Variants in RCC1 observed in about 807,000 individuals in gnomAD.
The protein encoded by RCC1 is regulator of chromosome condensation 1, also known as regulator of chromosome condensation.
A neutral mutation model predicts 44.4 loss-of-function variants in RCC1; 11 were observed. The ratio of observed to expected loss-of-function variants is 0.25; its 90% CI spans 0.16 to 0.41. RCC1 has a LOEUF of 0.41. Among genes scored for constraint, RCC1 ranks in the 10% least tolerant of loss-of-function variants. RCC1 has a pLI of 1.00. For missense variants in RCC1, 386 were observed against 547.1 expected (o/e 0.71, Z 2.94); for synonymous variants, 213 against 216.5 (o/e 0.98, Z 0.14).
chr1:28,531,035 C>G (rs1358141985), intron 5 of RCC1, among the ~76,000 whole-genome samples: 2 of 152,116 alleles, frequency 1.3e-5, no homozygotes, highest in Non-Finnish European at 2.9e-5. Context: ...TCGAGACCAT[C>G]CTGGCTAACA....
intron 4 of RCC1, among the ~76,000 whole-genome samples, chr1:28,525,983 T>G (rs373829943): frequency 6.6e-6 from 1 of 152,118 alleles, no homozygotes; most frequent in East Asian, 1.9e-4. Context: ...TTTCATGACC[T>G]TAAAGACTGT....
At chr1:28,522,442 T>A (rs1663343839) in intron 4 of RCC1, among the ~76,000 whole-genome samples, 1 of 152,100 alleles carries the variant, frequency 6.6e-6, no homozygotes, top group Non-Finnish European at 1.5e-5. Flanking sequence ...GTGGGCTTTA[T>A]CTTCCAGGAA....
At chr1:28,507,450 A>G (rs1420768945) in intron 1 of RCC1, 5 of 518,992 alleles carry the variant, frequency 9.6e-6, no homozygotes, top group African/African-American at 9.6e-5. Context: ...CCCATGATGT[A>G]CAAGTCCCTT....
intron 4 of RCC1, chr1:28,526,374 G>A: frequency 2.4e-6 from 1 of 414,848 alleles, no homozygotes; most frequent in Non-Finnish European, 4.7e-6. Context: ...TGCAAGACCA[G>A]GACCTTCTAA....
intron 3 of RCC1, among the ~76,000 whole-genome samples, chr1:28,516,451 G>A (rs967573314): frequency 1.2e-4 from 18 of 149,932 alleles, no homozygotes; most frequent in South Asian, 4.2e-4. Context: ...GCAGTGAGCC[G>A]AGATCGCACC....
chr1:28,516,828 A>C lies in RCC1; in HGVS notation c.-49A>C. Reference sequence around the variant, plus strand: ...AGAAATTTCACAGTACATCATCCAAAAGAGGAGTCCATGATGGAGGCAGAG... The same window carrying C: ...AGAAATTTCACAGTACATCATCCAACAGAGGAGTCCATGATGGAGGCAGAG... On this transcript the variant is annotated 5_prime_UTR_variant, in exon 4 of 13. Transcript: ENST00000683442. 2.2e-6 allele frequency: 1 copy of C among 456,660 alleles called. No homozygotes were observed. 28.3% of individuals were successfully genotyped at this position (456,660 alleles called of 1,614,324 possible). A position where few individuals can be genotyped will look rare whatever the true frequency, so the allele number is the denominator to read the frequency against.
chr1:28,538,066 C>T lies in RCC1; in HGVS notation c.*59C>T. 2 of 1,526,608 alleles carry T rather than the reference C, an allele frequency of 1.3e-6. No individual in the cohort carries two copies. Among genetic ancestry groups the T allele is most frequent in the South Asian group, 2.4e-5 (2 of 82,444 alleles). The allele number at this position is 1,526,608 out of a possible 1,614,324, so 94.6% of individuals were successfully genotyped here. Reference sequence around the variant, plus strand: ...CAACCTCCCTCACAGAACAGGGAAGCAGTGACAGCTGCAGATGGCAGCGGG... The same window carrying T: ...CAACCTCCCTCACAGAACAGGGAAGTAGTGACAGCTGCAGATGGCAGCGGG... On this transcript the variant is annotated 3_prime_UTR_variant, in exon 13 of 13. Transcript: ENST00000683442.
chr1:28,533,208 A>G (rs533049094), intron 7 of RCC1, among the ~76,000 whole-genome samples: 143 of 152,086 alleles, frequency 9.4e-4, no homozygotes, highest in Non-Finnish European at 1.7e-3. Context: ...GCGGTGGCTC[A>G]TGCCTGTAAT....
At chr1:28,515,261 G>A (rs1289730631) in intron 3 of RCC1, among the ~76,000 whole-genome samples, 2 of 151,952 alleles carry the variant, frequency 1.3e-5, no homozygotes, top group African/African-American at 4.8e-5. Flanking sequence ...TTACACTCCA[G>A]CCTAGGCAAC....
rs201429762 is a variant in RCC1, at chr1:28,511,403, G to GT, written c.-153+2513dup. ...TACAGTATCCAATTTTTTGTTTTTT[G>GT]TTTTTTTTTTTTTTTGAGAGGGAGT... On this transcript the variant is annotated intron_variant, in intron 3 of 12. Transcript: ENST00000683442. 3.8e-3 allele frequency among the ~76,000 whole-genome samples: 533 copies of GT among 141,400 alleles called. 2 individuals are homozygous for GT. The highest frequency in any genetic ancestry group is 0.017 in the East Asian group (80 of 4,824). The allele number at this position is 141,400 out of a possible 152,430, so 92.8% of individuals were successfully genotyped here. A position where few individuals can be genotyped will look rare whatever the true frequency, so the allele number is the denominator to read the frequency against.
chr1:28,521,994 A>G (rs1029948742), intron 4 of RCC1, among the ~76,000 whole-genome samples: 1 of 152,210 alleles, frequency 6.6e-6, no homozygotes. Context: ...AATAGGAGTG[A>G]CAGTGCTGCC....
intron 7 of RCC1, among the ~76,000 whole-genome samples, chr1:28,533,494 C>T (rs372146781): frequency 2.7e-5 from 4 of 148,560 alleles, no homozygotes; most frequent in Admixed American, 1.4e-4. Flanking sequence ...GAAGTCCGGG[C>T]GCAGTAGCTC....
At chr1:28,522,112 A>C (rs1384696599) in intron 4 of RCC1, among the ~76,000 whole-genome samples, 1 of 152,200 alleles carries the variant, frequency 6.6e-6, no homozygotes, top group East Asian at 1.9e-4. Flanking sequence ...GGTATGGTGG[A>C]CAGGCATGTA....
At chr1:28,506,811 C>G (rs1054986140) in intron 1 of RCC1, 7 of 157,258 alleles carry the variant, frequency 4.5e-5, no homozygotes, top group African/African-American at 1.7e-4. Flanking sequence ...AAGCAATTCT[C>G]CTGCCGCAGC....
At chr1:28,532,416 A>T in intron 7 of RCC1, 66 bp downstream of exon 7, 1 of 1,549,848 alleles carries the variant, frequency 6.5e-7, no homozygotes, top group Non-Finnish European at 8.8e-7. Context: ...GGCCCCAAAG[A>T]TAATCCACTT....
chr1:28,514,378 A>C (rs1662750662), intron 3 of RCC1, among the ~76,000 whole-genome samples: 1 of 150,600 alleles, frequency 6.6e-6, no homozygotes, highest in South Asian at 2.1e-4. Flanking sequence ...TGAACCCAGG[A>C]GGTGGAGCTT....
At position 28,532,316 on chromosome 1, in the gene RCC1, A is replaced by G; in HGVS notation, c.407A>G (p.Asp136Gly). ...AGDSHTAALT[D>G]DGRVFLWGSF... is the part of the protein sequence containing the mutation. The stretch of plus-strand genomic sequence containing the variant: ...GACAGTCACACAGCAGCCCTCACCG[A>G]TGATGGCCGTGTCTTCCTCTGGGGC... The change falls in exon 7 of 13, where the codon GAT (aspartate) becomes GGT (glycine). Residue 136 changes from aspartate to glycine, a missense_variant. Physicochemically the swap from Asp to Gly is moderately conservative, Grantham distance 94. Transcript: ENST00000683442. 6.2e-7 allele frequency: 1 copy of G among 1,614,120 alleles called. No homozygotes were observed. Among genetic ancestry groups the G allele is most frequent in the Non-Finnish European group, 8.5e-7 (1 of 1,180,020 alleles).
At chr1:28,533,840 CT>C (rs1664351916) in intron 7 of RCC1, among the ~76,000 whole-genome samples, 3 of 32,674 alleles carry the variant, frequency 9.2e-5, no homozygotes, top group African/African-American at 2.5e-4. Context: ...CTTTTCTTTT[CT>C]TTTCTTTTTT....
intron 5 of RCC1, 119 bp downstream of exon 5, chr1:28,530,058 C>CA: frequency 1.4e-6 from 1 of 711,412 alleles, no homozygotes; most frequent in Non-Finnish European, 2.3e-6. Flanking sequence ...GCAGAGACCC[C>CA]ACCCAGCTGG....
Sources: allele counts gnomAD v4.1 joint callset (sites outside exome capture counted in the v4.1 genomes callset), GRCh38; gene constraint gnomAD v4.1.1; transcripts MANE v1.5; gene names NCBI Gene and HGNC (gene_info 2026-07-23, HGNC 2026-07-21).